The following TUBGCP3 variants were observed in gnomAD, a reference collection of about 807,000 sequenced individuals.
The protein encoded by TUBGCP3 is tubulin gamma complex component 3.
TUBGCP3 carries 50 observed loss-of-function variants against 123.1 expected under a neutral mutation model. The ratio of observed to expected loss-of-function variants is 0.41; its 90% CI spans 0.32 to 0.51. The LOEUF (loss-of-function observed/expected upper bound fraction) is 0.51, where lower values mean the gene tolerates loss of function less well. Ranked by LOEUF, TUBGCP3 falls within the 20% of genes least tolerant of loss-of-function variation. The pLI is 0.36. For synonymous variants in TUBGCP3, 405 were observed against 413.9 expected (o/e 0.98, Z 0.26); for missense variants, 882 against 1,127.0 (o/e 0.78, Z 3.11).
intron 7 of TUBGCP3, 45 bp from the exon 8 acceptor site, chr13:112,554,227 T>C (rs1458148291): frequency 2.5e-6 from 4 of 1,602,664 alleles, no homozygotes; most frequent in African/African-American, 2.7e-5. Context: ...AAAGCAATAC[T>C]AGAGCTTTAA....
At chr13:112,544,775 T>A (rs1281871885) in intron 11 of TUBGCP3, 1 of 152,318 alleles carries the variant, frequency 6.6e-6, no homozygotes, top group Admixed American at 6.5e-5. Flanking sequence ...GCCCATGTGT[T>A]TCAAAAGCAC....
rs748993717 is a variant in TUBGCP3 at position 112,504,670 on chromosome 13, T to C, written c.2131A>G (p.Met711Val). Reference protein sequence around the residue: ...LHQCHILASEMVHFIHQMQYY... With the variant: ...LHQCHILASEVVHFIHQMQYY... ...TGCATCTGATGAATGAAATGGACCA[T>C]CTCAGAGGCCAAAATGTGACACTGG... is the stretch of plus-strand genomic sequence containing the variant. The change falls in exon 18 of 22, where the codon ATG (methionine) becomes GTG (valine). Residue 711 changes from methionine (M) to valine (V), a missense_variant. Physicochemically the swap from Met to Val is conservative, Grantham distance 21. Coordinates refer to ENST00000261965, the MANE Select transcript of TUBGCP3 (RefSeq NM_006322.6). 1.2e-6 allele frequency: 2 copies of C among 1,613,642 alleles called. No homozygotes were observed. The highest frequency in any genetic ancestry group is 1.7e-6 in the Non-Finnish European group (2 of 1,179,974).
chr13:112,548,049 G>A (rs910107767), intron 9 of TUBGCP3, 59 bp downstream of exon 9: 1 of 1,305,598 alleles, frequency 7.7e-7, no homozygotes, highest in Non-Finnish European at 1.1e-6. Flanking sequence ...ATTCTATATA[G>A]CTTCAATTTT....
intron 17 of TUBGCP3, among the ~76,000 whole-genome samples, chr13:112,505,449 G>A (rs140939713): frequency 2.9e-3 from 446 of 152,338 alleles, no homozygotes; most frequent in African/African-American, 9.8e-3. Flanking sequence ...GAGTTACCTC[G>A]ATAACGAGAT....
intron 8 of TUBGCP3, among the ~76,000 whole-genome samples, chr13:112,552,593 C>T (rs1161487364): frequency 6.6e-6 from 1 of 152,194 alleles, no homozygotes; most frequent in Admixed American, 6.5e-5. Context: ...GTAATCACTA[C>T]CCCACTCTAT....
intron 5 of TUBGCP3, among the ~76,000 whole-genome samples, chr13:112,557,874 A>T (rs1309929779): frequency 6.6e-6 from 1 of 152,230 alleles, no homozygotes; most frequent in East Asian, 1.9e-4. Flanking sequence ...CTAAGGAAAA[A>T]TCTGAGCACA....
At chr13:112,603,818 C>T in the TUBGCP3 span, 1 of 152,234 alleles carries the variant, frequency 6.6e-6, no homozygotes, top group Non-Finnish European at 1.5e-5. Context: ...AGCTAACATA[C>T]ACAGAGTGAA....
chr13:112,595,961 C>T, the TUBGCP3 span, among the ~76,000 whole-genome samples: 1 of 152,026 alleles, frequency 6.6e-6, no homozygotes, highest in African/African-American at 2.4e-5. Context: ...CCCAGTGCAT[C>T]TTTTTTGAGG....
intron 8 of TUBGCP3, among the ~76,000 whole-genome samples, chr13:112,553,309 C>T (rs1879743840): frequency 6.6e-6 from 1 of 152,262 alleles, no homozygotes; most frequent in Admixed American, 6.5e-5. Context: ...CACCCTCCTA[C>T]CCACCAGCTA....
rs947383796 is a variant in TUBGCP3, at chr13:112,508,227, A to G, written c.2087-3513T>C. Among the ~76,000 whole-genome samples, 2 of 152,002 alleles carry G rather than the reference A, an allele frequency of 1.3e-5. No homozygotes were observed. The highest frequency in any genetic ancestry group is 4.8e-5 in the African/African-American group (2 of 41,384). ...GCCTCTCCCTCCTAGCACACACTTA[A>G]AAGGCCAACCCGTATCCCCTCACTC... is the stretch of plus-strand genomic sequence containing the variant. On this transcript the variant is annotated intron_variant, in intron 17 of 21. Coordinates refer to ENST00000261965, the MANE Select transcript of TUBGCP3 (RefSeq NM_006322.6). The surrounding 1 kb of genome is among the most constrained non-coding windows in gnomAD (Gnocchi z 4.2).
intron 17 of TUBGCP3, among the ~76,000 whole-genome samples, chr13:112,509,732 TGACAG>T (rs1410726893): frequency 6.6e-6 from 1 of 152,226 alleles, no homozygotes; most frequent in Non-Finnish European, 1.5e-5. Flanking sequence ...ACCATCCACA[TGACAG>T]AAGTCTGAAA....
chr13:112,534,968 GACA>G (rs1336965898), intron 11 of TUBGCP3, among the ~76,000 whole-genome samples: 4 of 152,250 alleles, frequency 2.6e-5, no homozygotes, highest in Non-Finnish European at 4.4e-5. Context: ...CCCAGTCCCT[GACA>G]ACATTAACTA....
chr13:112,537,707 T>C (rs1418514930), intron 11 of TUBGCP3, among the ~76,000 whole-genome samples: 1 of 152,214 alleles, frequency 6.6e-6, no homozygotes. Flanking sequence ...ATTCTTTAAA[T>C]AGGATTGCTG....
At position 112,569,251 on chromosome 13, in the gene TUBGCP3, C is replaced by T; in HGVS notation, c.85G>A (p.Ala29Thr). The T allele has an allele frequency of 6.2e-7, 1 of 1,614,084 alleles. No individual in the cohort carries two copies. Among genetic ancestry groups the T allele is most frequent in the Non-Finnish European group, 8.5e-7 (1 of 1,180,012 alleles). Reference sequence around the variant, plus strand: ...CGCACAGCATACTGGAACTGCTGGGCTACATCAGCTGAAAGACAAACAAAA... The same window carrying T: ...CGCACAGCATACTGGAACTGCTGGGTTACATCAGCTGAAAGACAAACAAAA... ...RILGRSEADVAQQFQYAVRVI... is the reference protein window; with the variant it reads ...RILGRSEADVTQQFQYAVRVI... The change falls in exon 2 of 22, where the codon GCC (alanine) becomes ACC (threonine). Residue 29 changes from alanine (A) to threonine (T), a missense_variant. Transcript: ENST00000261965.
At chr13:112,542,776 C>T (rs1878630901) in intron 11 of TUBGCP3, among the ~76,000 whole-genome samples, 1 of 151,894 alleles carries the variant, frequency 6.6e-6, no homozygotes, top group Non-Finnish European at 1.5e-5. Flanking sequence ...TTCTTGACTT[C>T]GATAGTGACT....
chr13:112,486,009 C>G lies in TUBGCP3; in HGVS notation c.2708G>C (p.Arg903Pro), dbSNP rs140868112. 6.9e-6 allele frequency: 11 copies of G among 1,603,006 alleles called. No homozygotes were observed. In the African/African-American group the frequency reaches 1.5e-4, roughly 21 times the overall value. Residue 903 changes from arginine to proline, a missense_variant, in exon 22 of 22, where the codon CGC (arginine) becomes CCC (proline). Arg to Pro is a moderately radical substitution (Grantham distance 103, BLOSUM62 -2). Transcript: ENST00000261965. ...LRVSLGTRGRRSSHT is the reference protein window; with the variant it reads ...LRVSLGTRGRPSSHT ...CCGCGAGCTTCACGTGTGGGAGCTG[C>G]GCCGCCCCCTGGTACCCAGAGACAC...
chr13:112,595,449 G>A, the TUBGCP3 span, among the ~76,000 whole-genome samples: 1 of 151,988 alleles, frequency 6.6e-6, no homozygotes, highest in Non-Finnish European at 1.5e-5. Context: ...CACCCGTCTC[G>A]GCCTCCCAAA....
intron 13 of TUBGCP3, among the ~76,000 whole-genome samples, chr13:112,523,363 A>G (rs1876780191): frequency 6.6e-6 from 1 of 152,100 alleles, no homozygotes; most frequent in East Asian, 1.9e-4. Context: ...ATACCAGAAG[A>G]CTCTTAAGAT....
At chr13:112,535,430 C>T (rs960999898) in intron 11 of TUBGCP3, among the ~76,000 whole-genome samples, 2 of 152,224 alleles carry the variant, frequency 1.3e-5, no homozygotes, top group African/African-American at 4.8e-5. Context: ...TTCCCAATTT[C>T]TCCAAATCCT....
Sources: gnomAD v4.1 joint callset for allele counts (sites outside exome capture counted in the v4.1 genomes callset) on GRCh38, gnomAD v4.1.1 for gene constraint, Gnocchi (gnomAD v3.1) non-coding constraint, MANE v1.5 for transcripts, NCBI Gene and HGNC (gene_info 2026-07-23, HGNC 2026-07-21) for gene names.